SEL1L3: variants seen among roughly 807,000 people sequenced by gnomAD.
The protein encoded by SEL1L3 is protein sel-1 homolog 3.
SEL1L3 carries 76 observed loss-of-function variants against 142.8 expected under a neutral mutation model. That is an observed-to-expected ratio of 0.53 (90% CI 0.44 to 0.64). The LOEUF (loss-of-function observed/expected upper bound fraction) is 0.64, where lower values mean the gene tolerates loss of function less well. SEL1L3 is among the 30% of genes least tolerant of loss of function. The pLI is 0.00. For synonymous variants in SEL1L3, 504 were observed against 519.6 expected (o/e 0.97, Z 0.41); for missense variants, 1,262 against 1,381.7 (o/e 0.91, Z 1.37).
intron 11 of SEL1L3, 101 bp downstream of exon 11, chr4:25,802,182 A>G (rs1012057385): frequency 9.8e-7 from 1 of 1,024,276 alleles, no homozygotes; most frequent in South Asian, 1.6e-5. Flanking sequence ...ATTATGTTCA[A>G]CCTCTGAAGG....
chr4:25,782,583 A>T lies in SEL1L3; in HGVS notation c.2281-165T>A, dbSNP rs796682427. Among the ~76,000 whole-genome samples the T allele has an allele frequency of 4.6e-5, 7 of 152,316 alleles. No individual in the cohort carries two copies. The South Asian group carries it at 1.2e-3, about 27-fold the overall frequency. On this transcript the variant is annotated intron_variant, in intron 14 of 23. Coordinates refer to ENST00000399878, the MANE Select transcript of SEL1L3 (RefSeq NM_015187.5). ...GAAAAGCTAAGTGCTAGAAAACACA[A>T]GCCTGCCTGAGAGTCTTCCCAGGTG...
chr4:25,778,267 T>A (rs141978111), intron 16 of SEL1L3, among the ~76,000 whole-genome samples: 158 of 152,258 alleles, frequency 1.0e-3, no homozygotes, highest in Non-Finnish European at 1.7e-3. Context: ...TGACAGTTAA[T>A]CTCAGCATGA....
chr4:25,852,651 T>C (rs958618232), intron 1 of SEL1L3, among the ~76,000 whole-genome samples: 1 of 152,172 alleles, frequency 6.6e-6, no homozygotes, highest in Non-Finnish European at 1.5e-5. Context: ...AAATGTCAAA[T>C]AAGACATTTG....
chr4:25,787,573 G>A (rs1711939003), intron 13 of SEL1L3, among the ~76,000 whole-genome samples: 2 of 152,158 alleles, frequency 1.3e-5, no homozygotes, highest in African/African-American at 4.8e-5. Flanking sequence ...ACCTGCCTTG[G>A]CCTCCCAAAG....
Position 25,788,718 on chromosome 4 carries a change from C to T in SEL1L3, c.2077-354G>A, listed in dbSNP as rs1203193587. Among the ~76,000 whole-genome samples, 3 of 152,004 alleles carry T rather than the reference C, an allele frequency of 2.0e-5. No homozygotes were observed. Among genetic ancestry groups the T allele is most frequent in the Non-Finnish European group, 2.9e-5 (2 of 68,000 alleles). Reference sequence around the variant, plus strand: ...TGGGAGGTATTGCCCTTTCTTTTGGCCCAGCGATTGGCATGGAGGTCTCTG... The same window carrying T: ...TGGGAGGTATTGCCCTTTCTTTTGGTCCAGCGATTGGCATGGAGGTCTCTG... On this transcript the variant is annotated intron_variant, in intron 12 of 23. Coordinates refer to ENST00000399878, the MANE Select transcript of SEL1L3 (RefSeq NM_015187.5). The surrounding 1 kb of genome is among the most constrained non-coding windows in gnomAD (Gnocchi z 5.3).
intron 23 of SEL1L3, 103 bp downstream of exon 23, chr4:25,757,431 G>A (rs553417629): frequency 2.2e-4 from 197 of 881,460 alleles, no homozygotes; most frequent in Non-Finnish European, 3.1e-4. Context: ...AGCACCAGGA[G>A]GGAAAACACA....
At chr4:25,829,488 A>C (rs542359274) in intron 6 of SEL1L3, among the ~76,000 whole-genome samples, 1 of 152,358 alleles carries the variant, frequency 6.6e-6, no homozygotes, top group Admixed American at 6.5e-5. Context: ...AGGTATCCTG[A>C]ATTCCTAATG....
In SEL1L3 at chr4:25,748,565, C is replaced by G. The variant is rs781167986; in HGVS notation, c.3260-1G>C. On this transcript the variant is annotated splice_acceptor_variant, in intron 23 of 23. Transcript: ENST00000399878. LOFTEE classifies it high-confidence loss of function. ...GATGGTCTTGGAGGGGGATCGCTTG[C>G]TGCAGAGACACATGCACAACAGGTG... 6.2e-7 allele frequency: 1 copy of G among 1,608,406 alleles called. No homozygotes were observed. The highest frequency in any genetic ancestry group is 2.2e-5 in the East Asian group (1 of 44,770).
the SEL1L3 span, among the ~76,000 whole-genome samples, chr4:25,724,451 GA>G: frequency 1.3e-5 from 2 of 150,872 alleles, no homozygotes; most frequent in African/African-American, 4.9e-5. Context: ...TAAAAGAAAA[GA>G]AAAAAAAGGC....
At chr4:25,751,587 C>A (rs573388201) in intron 23 of SEL1L3, among the ~76,000 whole-genome samples, 1 of 151,220 alleles carries the variant, frequency 6.6e-6, no homozygotes, top group African/African-American at 2.4e-5. Context: ...TGGTGGAATG[C>A]GAGCCAGGAG....
At chr4:25,728,667 C>T in the SEL1L3 span, among the ~76,000 whole-genome samples, 1 of 152,058 alleles carries the variant, frequency 6.6e-6, no homozygotes, top group African/African-American at 2.4e-5. Flanking sequence ...TGGCTCATGC[C>T]TGTAATCCCA....
intron 6 of SEL1L3, among the ~76,000 whole-genome samples, chr4:25,829,276 A>G (rs1467535072): frequency 6.6e-6 from 1 of 152,226 alleles, no homozygotes; most frequent in Non-Finnish European, 1.5e-5. Flanking sequence ...CCTGGCCTAC[A>G]CTTGTTCTTA....
chr4:25,846,632 G>A (rs113034363), intron 2 of SEL1L3, among the ~76,000 whole-genome samples: 6 of 152,006 alleles, frequency 3.9e-5, no homozygotes, highest in Non-Finnish European at 7.4e-5. Context: ...TAGAGGCCCC[G>A]GCATGGTGGC....
At chr4:25,782,124 C>A in intron 15 of SEL1L3, 118 bp downstream of exon 15, 1 of 861,802 alleles carries the variant, frequency 1.2e-6, no homozygotes, top group Non-Finnish European at 1.8e-6. Flanking sequence ...ACCCTCTGAG[C>A]TCCTCGAGGA....
At chr4:25,824,664 C>G (rs1430426729) in intron 6 of SEL1L3, among the ~76,000 whole-genome samples, 1 of 152,196 alleles carries the variant, frequency 6.6e-6, no homozygotes, top group African/African-American at 2.4e-5. Context: ...TGCAGTGGCT[C>G]ATGCCTATAA....
intron 19 of SEL1L3, among the ~76,000 whole-genome samples, chr4:25,765,788 G>GCCA (rs1718684984): frequency 1.3e-5 from 2 of 151,996 alleles, no homozygotes; most frequent in Admixed American, 1.3e-4. Flanking sequence ...ACAGGAGTGT[G>GCCA]CCACCACGCC....
chr4:25,810,777 C>G (rs1713969437), intron 9 of SEL1L3, among the ~76,000 whole-genome samples: 1 of 152,136 alleles, frequency 6.6e-6, no homozygotes. Context: ...ATCCCTGTGC[C>G]AAGCAAGAAA....
In SEL1L3 at chr4:25,776,341, C is replaced by T. The variant is rs866355466; in HGVS notation, c.2605G>A (p.Glu869Lys). The T allele has an allele frequency of 6.2e-7, 1 of 1,611,880 alleles. No individual in the cohort carries two copies. The highest frequency in any genetic ancestry group is 8.5e-7 in the Non-Finnish European group (1 of 1,178,532). ...ACATGGCCCAAGTAGCCATTTTTCTCAGCTACATGTTTTGCCCATCTGAAA... is the reference window on the plus strand; with the variant it reads ...ACATGGCCCAAGTAGCCATTTTTCTTAGCTACATGTTTTGCCCATCTGAAA... The part of the protein sequence containing the change: ...KAVVWAKHVA[E>K]KNGYLGHVIR... The change falls in exon 17 of 24, where the codon GAG becomes AAG. Residue 869 changes from glutamate (E) to lysine (K), a missense_variant. Transcript: ENST00000399878.
At chr4:25,740,429 T>C in the SEL1L3 span, among the ~76,000 whole-genome samples, 2 of 119,970 alleles carry the variant, frequency 1.7e-5, no homozygotes, top group African/African-American at 7.0e-5. Flanking sequence ...TGAGACTCCA[T>C]CTCAAAAAAA....
Sources: gnomAD v4.1 joint callset for allele counts (sites outside exome capture counted in the v4.1 genomes callset) on GRCh38, gnomAD v4.1.1 for gene constraint, Gnocchi (gnomAD v3.1) non-coding constraint, MANE v1.5 for transcripts, NCBI Gene and HGNC (gene_info 2026-07-23, HGNC 2026-07-21) for gene names.